The following MITF variants were observed in gnomAD, a reference collection of about 807,000 sequenced individuals.
The protein encoded by MITF is melanocyte inducing transcription factor.
In MITF, 17 loss-of-function variants were observed where a neutral mutation model predicts 60.5. The ratio of observed to expected loss-of-function variants is 0.28; its 90% CI spans 0.19 to 0.42. The LOEUF is 0.42. Ranked by LOEUF, MITF falls within the 10% of genes least tolerant of loss-of-function variation. The pLI is 1.00. For missense variants in MITF, 622 were observed against 683.5 expected (o/e 0.91, Z 1.00); for synonymous variants, 260 against 248.5 (o/e 1.05, Z -0.43).
chr3:69,807,417 T>C (rs1265146372), intron 1 of MITF, among the ~76,000 whole-genome samples: 2 of 152,252 alleles, frequency 1.3e-5, no homozygotes, highest in African/African-American at 2.4e-5. Context: ...TGATCAAATA[T>C]TGGCTAATGC....
At chr3:69,804,779 G>A (rs1309599019) in intron 1 of MITF, among the ~76,000 whole-genome samples, 2 of 152,232 alleles carry the variant, frequency 1.3e-5, no homozygotes, top group African/African-American at 4.8e-5. Context: ...GGAGCTCTGA[G>A]TGAAGGAAGA....
At chr3:69,801,974 G>C (rs973452350) in intron 1 of MITF, among the ~76,000 whole-genome samples, 1 of 152,010 alleles carries the variant, frequency 6.6e-6, no homozygotes, top group Non-Finnish European at 1.5e-5. Flanking sequence ...CAATAAACAT[G>C]GGTCTTATTA....
chr3:69,878,818 C>A (rs1412365323), intron 1 of MITF, among the ~76,000 whole-genome samples: 3 of 151,228 alleles, frequency 2.0e-5, no homozygotes, highest in African/African-American at 7.3e-5. Flanking sequence ...TGCTTCTTGG[C>A]AGTGCATATG....
At chr3:69,905,430 G>A (rs1373203510) in intron 2 of MITF, among the ~76,000 whole-genome samples, 1 of 151,104 alleles carries the variant, frequency 6.6e-6, no homozygotes, top group Non-Finnish European at 1.5e-5. Flanking sequence ...ATATTACAAA[G>A]TTCCTATGAA....
chr3:69,789,720 G>A (rs576530670), intron 1 of MITF, among the ~76,000 whole-genome samples: 1 of 152,286 alleles, frequency 6.6e-6, no homozygotes, highest in East Asian at 1.9e-4. Flanking sequence ...GCTGGGCGTG[G>A]TGGCACACAC....
rs1238497800 is a variant in MITF, at chr3:69,965,567, G to T, written c.*319G>T. The T allele has an allele frequency of 7.6e-6, 2 of 263,624 alleles. No homozygotes were observed. The highest frequency in any genetic ancestry group is 1.5e-5 in the Non-Finnish European group (2 of 137,214). The allele number at this position is 263,624 out of a possible 1,614,324, so 16.3% of individuals were successfully genotyped here. On this transcript the variant is annotated 3_prime_UTR_variant, in exon 10 of 10. Coordinates refer to ENST00000352241, the MANE Select transcript of MITF (RefSeq NM_001354604.2). Reference sequence around the variant, plus strand: ...AATGTCTGTCCATTTTTATTCAGGGGAAACTTGATTTGAGATTTTTATGCC... The same window carrying T: ...AATGTCTGTCCATTTTTATTCAGGGTAAACTTGATTTGAGATTTTTATGCC...
chr3:69,930,257 G>A (rs1413855237), intron 2 of MITF, among the ~76,000 whole-genome samples: 1 of 152,012 alleles, frequency 6.6e-6, no homozygotes, highest in Non-Finnish European at 1.5e-5. Flanking sequence ...AGTGTAGATA[G>A]ATGAAATCAA....
At chr3:69,862,853 T>G (rs1478944020) in intron 1 of MITF, among the ~76,000 whole-genome samples, 1 of 152,208 alleles carries the variant, frequency 6.6e-6, no homozygotes, top group Non-Finnish European at 1.5e-5. Context: ...GCAGAAGCAC[T>G]GGAGTACTGG....
At chr3:69,778,654 A>G (rs1268683060) in intron 1 of MITF, among the ~76,000 whole-genome samples, 2 of 152,200 alleles carry the variant, frequency 1.3e-5, no homozygotes, top group South Asian at 2.1e-4. Context: ...ACAAGCTATG[A>G]TTTCTTATTA....
At chr3:69,799,968 C>T (rs759609824) in intron 1 of MITF, among the ~76,000 whole-genome samples, 1 of 152,200 alleles carries the variant, frequency 6.6e-6, no homozygotes, top group Non-Finnish European at 1.5e-5. Context: ...ATGTAATTCA[C>T]ATAAATGAAA....
intron 2 of MITF, among the ~76,000 whole-genome samples, chr3:69,927,404 C>A (rs963785555): frequency 6.6e-6 from 1 of 152,042 alleles, no homozygotes; most frequent in Non-Finnish European, 1.5e-5. Flanking sequence ...AGCATTAGGA[C>A]AAATACCTAA....
intron 1 of MITF, among the ~76,000 whole-genome samples, chr3:69,801,105 C>T (rs1384915990): frequency 1.4e-5 from 2 of 148,142 alleles, no homozygotes; most frequent in Non-Finnish European, 3.0e-5. Context: ...ATGCTGTTAC[C>T]GTGAAGGTTG....
intron 1 of MITF, among the ~76,000 whole-genome samples, chr3:69,793,546 A>ATGCTCATAGCATGCACCCTCTCCCAG (rs1559633667): frequency 1.3e-5 from 2 of 152,132 alleles, no homozygotes; most frequent in Non-Finnish European, 2.9e-5. Flanking sequence ...CCCTCTCCCA[A>ATGCTCATAGCATGCACCCTCTCCCAG]TGCTCAAGTT....
At chr3:69,761,334 A>G (rs2062209176) in intron 1 of MITF, among the ~76,000 whole-genome samples, 1 of 152,160 alleles carries the variant, frequency 6.6e-6, no homozygotes, top group African/African-American at 2.4e-5. Flanking sequence ...TATGAGGTAG[A>G]TAGGATCCCA....
chr3:69,932,151 C>G (rs895561963), intron 2 of MITF, among the ~76,000 whole-genome samples: 2 of 152,084 alleles, frequency 1.3e-5, no homozygotes, highest in Non-Finnish European at 1.5e-5. Context: ...TGAAACTTTC[C>G]TAGAGAGCAG....
At chr3:69,900,106 G>A (rs2064963724) in intron 2 of MITF, among the ~76,000 whole-genome samples, 1 of 152,104 alleles carries the variant, frequency 6.6e-6, no homozygotes, top group Admixed American at 6.6e-5. Flanking sequence ...TCTGCCGAGT[G>A]GGAGGGGTGG....
At chr3:69,920,242 C>T (rs1466909888) in intron 2 of MITF, among the ~76,000 whole-genome samples, 1 of 152,048 alleles carries the variant, frequency 6.6e-6, no homozygotes, top group Non-Finnish European at 1.5e-5. Context: ...GCCAGGCGGA[C>T]CCGTGGTCTA....
At chr3:69,865,927 T>C (rs901388226) in intron 1 of MITF, among the ~76,000 whole-genome samples, 1 of 152,180 alleles carries the variant, frequency 6.6e-6, no homozygotes, top group African/African-American at 2.4e-5. Context: ...CCTCTCCTTT[T>C]AAGTTCTCTA....
chr3:69,813,837 A>C (rs2063138752), intron 1 of MITF, among the ~76,000 whole-genome samples: 1 of 152,210 alleles, frequency 6.6e-6, no homozygotes, highest in Non-Finnish European at 1.5e-5. Flanking sequence ...AAATTGTGAA[A>C]TGGACTTAAC....
Sources: allele counts gnomAD v4.1 joint callset (sites outside exome capture counted in the v4.1 genomes callset), GRCh38; gene constraint gnomAD v4.1.1; transcripts MANE v1.5; gene names NCBI Gene and HGNC (gene_info 2026-07-23, HGNC 2026-07-21).